The following CABIN1 variants were observed in gnomAD, a reference collection of about 807,000 sequenced individuals.
CABIN1 encodes calcineurin-binding protein cabin-1.
In CABIN1, 133 loss-of-function variants were observed where a neutral mutation model predicts 227.7. That is an observed-to-expected ratio of 0.58 (90% CI 0.51 to 0.67). CABIN1 has a LOEUF of 0.67. CABIN1 is among the 30% of genes least tolerant of loss of function. CABIN1 has a pLI of 0.00. For missense variants in CABIN1, 2,408 were observed against 2,852.5 expected, an observed-to-expected ratio of 0.84 and a Z score of 3.55; for synonymous variants, 1,086 against 1,155.1, an observed-to-expected ratio of 0.94 and a Z score of 1.21.
chr22:24,116,002 G>C (rs1023902893), intron 27 of CABIN1, among the ~76,000 whole-genome samples: 1 of 152,162 alleles, frequency 6.6e-6, no homozygotes, highest in Non-Finnish European at 1.5e-5. Flanking sequence ...CATGAGATGC[G>C]CTCCCTCCCA....
intron 26 of CABIN1, among the ~76,000 whole-genome samples, chr22:24,107,438 C>T (rs2042577456): frequency 6.6e-6 from 1 of 152,228 alleles, no homozygotes; most frequent in African/African-American, 2.4e-5. Flanking sequence ...GTGTAGTCAG[C>T]AGCCTTTTGT....
At chr22:24,077,167 C>G (rs2040499441) in intron 19 of CABIN1, among the ~76,000 whole-genome samples, 1 of 152,080 alleles carries the variant, frequency 6.6e-6, no homozygotes, top group African/African-American at 2.4e-5. Context: ...ACAACTGCAC[C>G]CTCCCTCCCA....
chr22:24,017,328 C>T (rs1363364144), intron 1 of CABIN1, among the ~76,000 whole-genome samples: 2 of 152,122 alleles, frequency 1.3e-5, no homozygotes, highest in African/African-American at 2.4e-5. Context: ...TGAGCCACTG[C>T]GCCTGACCCA....
At chr22:24,175,867 C>T in intron 34 of CABIN1, 1 of 606,092 alleles carries the variant, frequency 1.6e-6, no homozygotes, top group Non-Finnish European at 3.0e-6. Context: ...AGGTGTATAG[C>T]CCTCTCGGGA....
chr22:24,033,866 T>C (rs892819679), intron 1 of CABIN1, among the ~76,000 whole-genome samples: 1 of 152,232 alleles, frequency 6.6e-6, no homozygotes, highest in African/African-American at 2.4e-5. Context: ...TAGAACATTT[T>C]TGTCATCCCA....
At chr22:24,094,584 G>A (rs1167385039) in intron 24 of CABIN1, among the ~76,000 whole-genome samples, 1 of 152,012 alleles carries the variant, frequency 6.6e-6, no homozygotes, top group Non-Finnish European at 1.5e-5. Flanking sequence ...TTGGGAGGCC[G>A]AGGCGGGTGG....
chr22:24,164,750 C>A (rs1468685459), intron 30 of CABIN1, among the ~76,000 whole-genome samples, 187 bp downstream of exon 30: 4 of 152,138 alleles, frequency 2.6e-5, no homozygotes, highest in Admixed American at 2.0e-4. Flanking sequence ...ACTTCCCACC[C>A]CCAGGCACCC....
chr22:24,058,911 A>G (rs140646404), intron 10 of CABIN1, among the ~76,000 whole-genome samples: 115 of 152,346 alleles, frequency 7.5e-4, no homozygotes, highest in African/African-American at 2.7e-3. Flanking sequence ...TCTAGAGGGT[A>G]AGCTTACTGC....
intron 31 of CABIN1, 66 bp downstream of exon 31, chr22:24,165,692 G>A: frequency 7.4e-7 from 1 of 1,345,368 alleles, no homozygotes; most frequent in Non-Finnish European, 1.0e-6. Context: ...TTCCCAGGTG[G>A]TGGGCCCGAT....
chr22:24,098,010 A>G lies in CABIN1; in HGVS notation c.3939-4A>G. ...ACCTGTGCCCCAAACCTCTGTTCCC[A>G]CAGGGAGAAGGCCTGCCTGGTGGAC... On this transcript the variant is annotated splice_region_variant and splice_polypyrimidine_tract_variant and intron_variant, in intron 25 of 36. Coordinates refer to ENST00000263119, the MANE Select transcript of CABIN1 (RefSeq NM_012295.4). 2 of 1,614,122 alleles carry G rather than the reference A, an allele frequency of 1.2e-6. No homozygotes were observed. Among genetic ancestry groups the G allele is most frequent in the Admixed American group, 1.7e-5 (1 of 60,026 alleles).
intron 1 of CABIN1, among the ~76,000 whole-genome samples, chr22:24,014,081 G>T (rs557541462): frequency 6.6e-6 from 1 of 152,254 alleles, no homozygotes; most frequent in African/African-American, 2.4e-5. Context: ...TAAGTCTCTT[G>T]GGAGAGATAC....
chr22:24,047,173 T>C (rs1189823820), intron 6 of CABIN1, among the ~76,000 whole-genome samples: 1 of 152,224 alleles, frequency 6.6e-6, no homozygotes, highest in Non-Finnish European at 1.5e-5. Flanking sequence ...TAACAGGGAC[T>C]GAACTGATAC....
chr22:24,096,967 C>T (rs2041931340), intron 25 of CABIN1, among the ~76,000 whole-genome samples: 1 of 152,250 alleles, frequency 6.6e-6, no homozygotes, highest in Admixed American at 6.5e-5. Flanking sequence ...GGGCTGTCTG[C>T]TTCTGACCAC....
chr22:24,093,825 G>A (rs532430677), intron 24 of CABIN1, among the ~76,000 whole-genome samples: 1 of 151,684 alleles, frequency 6.6e-6, no homozygotes, highest in South Asian at 2.1e-4. Context: ...GCTGTAGTGA[G>A]CTGTGATCAC....
intron 8 of CABIN1, among the ~76,000 whole-genome samples, chr22:24,053,347 A>G (rs2038513073): frequency 1.3e-5 from 2 of 150,750 alleles, no homozygotes; most frequent in South Asian, 2.1e-4. Flanking sequence ...AAGTACTGGG[A>G]TTACAGGCGT....
intron 15 of CABIN1, among the ~76,000 whole-genome samples, chr22:24,064,511 G>GTT (rs2039441243): frequency 2.6e-5 from 3 of 115,096 alleles, no homozygotes; most frequent in Non-Finnish European, 5.4e-5. Context: ...CCAGCTGAAA[G>GTT]GTTTTTTTTT....
chr22:24,081,765 G>A (rs559501863), intron 19 of CABIN1, among the ~76,000 whole-genome samples: 4 of 151,522 alleles, frequency 2.6e-5, no homozygotes, highest in African/African-American at 4.8e-5. Flanking sequence ...AGTGGCTCAC[G>A]CCTGTAATCC....
At chr22:24,165,493 C>T (rs762788060) in intron 30 of CABIN1, 37 bp from the exon 31 acceptor site, 25 of 1,568,730 alleles carry the variant, frequency 1.6e-5, no homozygotes, top group Admixed American at 5.1e-5. Context: ...TGTCAGATGC[C>T]CTCCTGTCCT....
At chr22:24,142,948 G>A (rs9624408) in intron 29 of CABIN1, among the ~76,000 whole-genome samples, 2,450 of 152,162 alleles carry the variant, frequency 0.016, 80 homozygotes, top group African/African-American at 0.056. Context: ...TCATGCCACC[G>A]CTGCTTGTCC....
Sources: gnomAD v4.1 joint callset for allele counts (sites outside exome capture counted in the v4.1 genomes callset) on GRCh38, gnomAD v4.1.1 for gene constraint, MANE v1.5 for transcripts, NCBI Gene and HGNC (gene_info 2026-07-23, HGNC 2026-07-21) for gene names.